Variants in SH2B3 observed in about 807,000 individuals in gnomAD.
The protein encoded by SH2B3 is SH2B adapter protein 3.
SH2B3 carries 43 observed loss-of-function variants against 51.9 expected under a neutral mutation model. That is an observed-to-expected ratio of 0.83 (90% CI 0.65 to 1.07). The LOEUF (loss-of-function observed/expected upper bound fraction) is 1.07. SH2B3 is among the 50% of genes least tolerant of loss of function. SH2B3 has a pLI of 0.00. For synonymous variants in SH2B3, 396 were observed against 376.0 expected, an observed-to-expected ratio of 1.05 and a Z score of -0.62; for missense variants, 952 against 834.3, an observed-to-expected ratio of 1.14 and a Z score of -1.74.
Position 111,429,635 on chromosome 12 carries a change from A to G in SH2B3, c.732+10758A>G, listed in dbSNP as rs1195297595. Among the ~76,000 whole-genome samples, 1 of 152,110 alleles carries G rather than the reference A, an allele frequency of 6.6e-6. No homozygotes were observed. The highest frequency in any genetic ancestry group is 1.5e-5 in the Non-Finnish European group (1 of 68,010). On this transcript the variant is annotated intron_variant, in intron 2 of 7. Coordinates refer to ENST00000341259, the MANE Select transcript of SH2B3 (RefSeq NM_005475.3). The surrounding 1 kb of genome is among the most constrained non-coding windows in gnomAD (Gnocchi z 4.4). The stretch of plus-strand genomic sequence containing the variant: ...AGGCGTGAGCTACCGCGCCCGGCCC[A>G]TTTTTATTAATTGGTTTTCATGTGA...
rs1874336365 is a variant in SH2B3 at position 111,448,934 on chromosome 12, G to T, written c.*632G>T. The T allele has an allele frequency of 6.5e-6, 1 of 153,112 alleles. No individual in the cohort carries two copies. The highest frequency in any genetic ancestry group is 2.4e-5 in the African/African-American group (1 of 41,462). The allele number at this position is 153,112 out of a possible 1,614,324, so 9.5% of individuals were successfully genotyped here. On this transcript the variant is annotated 3_prime_UTR_variant, in exon 8 of 8. Transcript: ENST00000341259. ...CAAAACTTAACCACTGCTTATTTCAGTGCACTGTTTCAACTAACACCCATG... is the reference window on the plus strand; with the variant it reads ...CAAAACTTAACCACTGCTTATTTCATTGCACTGTTTCAACTAACACCCATG...
At chr12:111,420,728 G>A (rs902623158) in intron 2 of SH2B3, among the ~76,000 whole-genome samples, 2 of 152,214 alleles carry the variant, frequency 1.3e-5, no homozygotes, top group Non-Finnish European at 2.9e-5. Context: ...GCCTAGTGGA[G>A]GCTGTTGAGG....
Position 111,448,334 on chromosome 12 carries a change from C to A in SH2B3, c.*32C>A. On this transcript the variant is annotated 3_prime_UTR_variant, in exon 8 of 8. Transcript: ENST00000341259. ...AGGAATTCCAGGCCTCAACAGCTGC[C>A]CTTGAGGAGCACAGGCAGAAGTGTG... 1 of 1,450,550 alleles carries A rather than the reference C, an allele frequency of 6.9e-7. No individual in the cohort carries two copies. Among genetic ancestry groups the A allele is most frequent in the Non-Finnish European group, 9.6e-7 (1 of 1,046,984 alleles). 89.9% of individuals were successfully genotyped at this position (1,450,550 alleles called of 1,614,324 possible). A position where few individuals can be genotyped will look rare whatever the true frequency, so the allele number is the denominator to read the frequency against.
intron 2 of SH2B3, among the ~76,000 whole-genome samples, chr12:111,425,720 G>GTA (rs1871944155): frequency 6.6e-6 from 1 of 152,138 alleles, no homozygotes. Context: ...TGGGTGCAAG[G>GTA]GACCCTCCAG....
chr12:111,429,925 G>A lies in SH2B3; in HGVS notation c.732+11048G>A, dbSNP rs926013280. 4.6e-5 allele frequency among the ~76,000 whole-genome samples: 7 copies of A among 152,186 alleles called. No homozygotes were observed. Among genetic ancestry groups the A allele is most frequent in the African/African-American group, 1.7e-4 (7 of 41,450 alleles). On this transcript the variant is annotated intron_variant, in intron 2 of 7. Transcript: ENST00000341259. The surrounding 1 kb of genome is among the most constrained non-coding windows in gnomAD (Gnocchi z 4.4). ...AGCACCCACCCTCCACCGTCAGAAC[G>A]AGCCTGTATCCCGGCAAGCAGGGCA...
At chr12:111,408,195 G>A (rs761514889) in intron 1 of SH2B3, among the ~76,000 whole-genome samples, 1 of 152,138 alleles carries the variant, frequency 6.6e-6, no homozygotes, top group African/African-American at 2.4e-5. Flanking sequence ...TAGCTATAAG[G>A]CCTTGCTTAA....
Position 111,449,147 on chromosome 12 carries a change from G to A in SH2B3, c.*845G>A, listed in dbSNP as rs1874354625. ...TTCAGGCAATTACTGAAATAGGAGG[G>A]TGGCAAGAACAGTTCTATCCTGGTG... is the stretch of plus-strand genomic sequence containing the variant. On this transcript the variant is annotated 3_prime_UTR_variant, in exon 8 of 8. Coordinates refer to ENST00000341259, the MANE Select transcript of SH2B3 (RefSeq NM_005475.3). 6.5e-6 allele frequency: 1 copy of A among 152,680 alleles called. No individual in the cohort carries two copies. The highest frequency in any genetic ancestry group is 1.5e-5 in the Non-Finnish European group (1 of 68,050). The allele number at this position is 152,680 out of a possible 1,614,324, so 9.5% of individuals were successfully genotyped here. A position where few individuals can be genotyped will look rare whatever the true frequency, so the allele number is the denominator to read the frequency against.
rs187489499 is a variant in SH2B3 at position 111,438,296 on chromosome 12, G to C, written c.733-8457G>C. 1.3e-5 allele frequency among the ~76,000 whole-genome samples: 2 copies of C among 152,158 alleles called. No homozygotes were observed. Among genetic ancestry groups the C allele is most frequent in the African/African-American group, 4.8e-5 (2 of 41,416 alleles). On this transcript the variant is annotated intron_variant, in intron 2 of 7. Transcript: ENST00000341259. The surrounding 1 kb of genome is among the most constrained non-coding windows in gnomAD (Gnocchi z 4.2). ...CTATTCCCCATGGCTGGGGCACTGT[G>C]TGATTTTGCCTCCCAGAGTCTGTAG...
At position 111,418,594 on chromosome 12, in the gene SH2B3, C is replaced by G. The variant is rs769643863; in HGVS notation, c.449C>G (p.Ser150Trp). The change falls in exon 2 of 8, where the codon TCG becomes TGG. Residue 150 changes from serine to tryptophan, a missense_variant. Ser to Trp is a radical substitution (Grantham distance 177). Coordinates refer to ENST00000341259, the MANE Select transcript of SH2B3 (RefSeq NM_005475.3). The surrounding 1 kb of genome is among the most constrained non-coding windows in gnomAD (Gnocchi z 6.7). ...RSLRHIFRRR[S>W]AGELPAAHTA... ...CTCCGCCACATCTTCCGCCGCCGCT[C>G]GGCCGGGGAGCTGCCAGCGGCCCAC... 6.7e-7 allele frequency: 1 copy of G among 1,490,906 alleles called. No homozygotes were observed. The highest frequency in any genetic ancestry group is 2.1e-5 in the Admixed American group (1 of 47,232). 92.4% of individuals were successfully genotyped at this position (1,490,906 alleles called of 1,614,324 possible).
Position 111,438,194 on chromosome 12 carries a change from G to A in SH2B3, c.733-8559G>A, listed in dbSNP as rs1873062328. Among the ~76,000 whole-genome samples the A allele has an allele frequency of 6.6e-6, 1 of 152,122 alleles. No homozygotes were observed. Among genetic ancestry groups the A allele is most frequent in the African/African-American group, 2.4e-5 (1 of 41,408 alleles). On this transcript the variant is annotated intron_variant, in intron 2 of 7. Transcript: ENST00000341259. This position sits in a 1 kb window ranked among gnomAD's most constrained non-coding sequence, Gnocchi z 4.2. ...AGGGGAAGGTGTGGGCGGGAAGGCG[G>A]CTGGAGGGAGACCAGGTGTTGGGGG...
chr12:111,424,112 C>A (rs1029931336), intron 2 of SH2B3, among the ~76,000 whole-genome samples: 1 of 151,810 alleles, frequency 6.6e-6, no homozygotes, highest in African/African-American at 2.4e-5. Flanking sequence ...AACTCCATCT[C>A]AAAAAAAATA....
intron 2 of SH2B3, among the ~76,000 whole-genome samples, chr12:111,439,361 C>G (rs890004939): frequency 3.3e-5 from 5 of 152,216 alleles, no homozygotes; most frequent in African/African-American, 1.2e-4. Flanking sequence ...GTTGGTCAGG[C>G]TGGTCTCTAA....
At chr12:111,416,481 GT>G (rs11323611) in intron 1 of SH2B3, among the ~76,000 whole-genome samples, 41,737 of 149,100 alleles carry the variant, frequency 0.28, 7,117 homozygotes, top group East Asian at 0.89. Context: ...GTTGTTGCTG[GT>G]TTTTTTTTTG....
chr12:111,413,689 GTT>G (rs751608634), intron 1 of SH2B3, among the ~76,000 whole-genome samples: 41 of 152,358 alleles, frequency 2.7e-4, no homozygotes, highest in Non-Finnish European at 2.2e-4. Flanking sequence ...GAGAGCAAGA[GTT>G]TGCAAATCCA....
rs2239196 is a variant in SH2B3, at chr12:111,435,363, G to A, written c.733-11390G>A. On this transcript the variant is annotated intron_variant, in intron 2 of 7. Coordinates refer to ENST00000341259, the MANE Select transcript of SH2B3 (RefSeq NM_005475.3). This position sits in a 1 kb window ranked among gnomAD's most constrained non-coding sequence, Gnocchi z 4.8. ...GCGGGGCCTGGCTACAGTCCTCACT[G>A]GTGTTTTTTTTGTTTTTGAGAGGGC... Among the ~76,000 whole-genome samples the A allele has an allele frequency of 0.058, 8,761 of 152,252 alleles. 384 individuals are homozygous for A. The highest frequency in any genetic ancestry group is 0.21 in the South Asian group (1,018 of 4,824).
chr12:111,446,113 C>T (rs1025631210), intron 2 of SH2B3, among the ~76,000 whole-genome samples: 25 of 152,232 alleles, frequency 1.6e-4, no homozygotes, highest in African/African-American at 6.0e-4. Context: ...TCAGTCTTAT[C>T]ACAAGAGGAA....
intron 2 of SH2B3, among the ~76,000 whole-genome samples, chr12:111,445,959 C>T (rs575929013): frequency 1.3e-5 from 2 of 152,366 alleles, no homozygotes; most frequent in South Asian, 4.1e-4. Context: ...TTTGGGCTGC[C>T]TCTGCTTTCC....
intron 2 of SH2B3, among the ~76,000 whole-genome samples, chr12:111,421,472 G>C (rs1291596643): frequency 7.5e-6 from 1 of 133,300 alleles, no homozygotes; most frequent in Non-Finnish European, 1.5e-5. Context: ...GCAGTGGCTC[G>C]ATCTCAGCTT....
In SH2B3 at chr12:111,450,192, G is replaced by GGATTT. The variant is rs1565995032; in HGVS notation, c.*1894_*1895insTGATT. On this transcript the variant is annotated 3_prime_UTR_variant, in exon 8 of 8. Coordinates refer to ENST00000341259, the MANE Select transcript of SH2B3 (RefSeq NM_005475.3). ...CCCGCCTTGGCCTCCCAAAGTGCTG[G>GGATTT]GATTACAGGCGCGAGCCACCGCGCC... 1 of 152,272 alleles carries GGATTT rather than the reference G, an allele frequency of 6.6e-6. No homozygotes were observed. Among genetic ancestry groups the GGATTT allele is most frequent in the African/African-American group, 2.4e-5 (1 of 41,434 alleles). The allele number at this position is 152,272 out of a possible 1,614,324, so 9.4% of individuals were successfully genotyped here.
Sources: allele counts gnomAD v4.1 joint callset (sites outside exome capture counted in the v4.1 genomes callset), GRCh38; gene constraint gnomAD v4.1.1; non-coding constraint Gnocchi (gnomAD v3.1); transcripts MANE v1.5; gene names NCBI Gene and HGNC (gene_info 2026-07-23, HGNC 2026-07-21).